SND1: variants seen among roughly 807,000 people sequenced by gnomAD.
SND1 encodes staphylococcal nuclease and tudor domain containing 1.
In SND1, 38 loss-of-function variants were observed where a neutral mutation model predicts 121.7. That is an observed-to-expected ratio of 0.31 (90% CI 0.24 to 0.41). The LOEUF is 0.41. Among genes scored for constraint, SND1 ranks in the 10% least tolerant of loss-of-function variants. SND1 has a pLI of 1.00. For missense variants in SND1, 868 were observed against 1,184.6 expected (o/e 0.73, Z 3.92); for synonymous variants, 401 against 447.4 (o/e 0.90, Z 1.31).
chr7:127,739,754 A>G (rs1796843210), intron 10 of SND1, among the ~76,000 whole-genome samples: 1 of 152,154 alleles, frequency 6.6e-6, no homozygotes, highest in South Asian at 2.1e-4. Flanking sequence ...CTGGAAGCCT[A>G]TTTCTTGTCC....
intron 11 of SND1, among the ~76,000 whole-genome samples, chr7:127,823,983 CTT>C (rs1798598151): frequency 6.6e-6 from 1 of 152,154 alleles, no homozygotes; most frequent in Non-Finnish European, 1.5e-5. Flanking sequence ...ATAGTCAACA[CTT>C]AAGCAATGAA....
chr7:127,988,508 T>C (rs1029737187), intron 15 of SND1, among the ~76,000 whole-genome samples: 5 of 151,994 alleles, frequency 3.3e-5, no homozygotes, highest in Non-Finnish European at 2.9e-5. Flanking sequence ...TCATGAAAAA[T>C]GTTTTGAATA....
chr7:127,698,390 A>G (rs1307474646), intron 3 of SND1, among the ~76,000 whole-genome samples: 1 of 152,172 alleles, frequency 6.6e-6, no homozygotes, highest in Admixed American at 6.5e-5. Flanking sequence ...TTGGTGATTT[A>G]CACACATTAC....
At chr7:127,711,339 C>T (rs574591175) in intron 9 of SND1, among the ~76,000 whole-genome samples, 4 of 152,296 alleles carry the variant, frequency 2.6e-5, no homozygotes, top group African/African-American at 9.6e-5. Flanking sequence ...TGTCCATTCT[C>T]TACATACACT....
At chr7:127,983,147 A>G (rs1802305242) in intron 15 of SND1, among the ~76,000 whole-genome samples, 1 of 152,162 alleles carries the variant, frequency 6.6e-6, no homozygotes, top group South Asian at 2.1e-4. Context: ...GGGGCTTTTT[A>G]CAATTTTGTT....
At chr7:128,078,874 C>G (rs1196440700) in intron 17 of SND1, among the ~76,000 whole-genome samples, 1 of 152,226 alleles carries the variant, frequency 6.6e-6, no homozygotes, top group Non-Finnish European at 1.5e-5. Context: ...TCTCTGTTAA[C>G]AAGCTCAGTG....
chr7:127,983,128 A>G (rs773603517), intron 15 of SND1, among the ~76,000 whole-genome samples: 2 of 152,186 alleles, frequency 1.3e-5, no homozygotes, highest in Non-Finnish European at 2.9e-5. Context: ...CTTACAGTCT[A>G]TGTGTAGTGG....
At position 127,745,574 on chromosome 7, in the gene SND1, C is replaced by A. The variant is rs536435351; in HGVS notation, c.1152+24174C>A. On this transcript the variant is annotated intron_variant, in intron 10 of 23. Transcript: ENST00000354725. ...TCCCTGATTAAAATGCCTACCATAG[C>A]ATGCCATCAGTGACTAATGATGATA... 2.9e-4 allele frequency among the ~76,000 whole-genome samples: 44 copies of A among 152,262 alleles called. No homozygotes were observed. The East Asian group carries it at 4.2e-3, about 15-fold the overall frequency.
intron 16 of SND1, among the ~76,000 whole-genome samples, chr7:128,034,253 A>C (rs946048264): frequency 1.1e-4 from 16 of 152,326 alleles, no homozygotes; most frequent in Middle Eastern, 3.4e-3. Flanking sequence ...GAGAAGTAAG[A>C]TGAAGGGTAG....
At chr7:128,033,490 G>A (rs929682276) in intron 16 of SND1, among the ~76,000 whole-genome samples, 1 of 152,174 alleles carries the variant, frequency 6.6e-6, no homozygotes, top group Non-Finnish European at 1.5e-5. Context: ...GCTTAAGAAC[G>A]AGGAGGTCCC....
Position 128,085,343 on chromosome 7 carries a change from T to TGGATATGTTCCCTGCTGCGGCCTC in SND1, c.2235-367_2235-344dup, listed in dbSNP as rs1283183546. ...GCCTTCCCAGGGTGACGAAGTGACT[T>TGGATATGTTCCCTGCTGCGGCCTC]GGATATGTTCCCTGCTGCGGCCTCC... On this transcript the variant is annotated intron_variant, in intron 19 of 23. Coordinates refer to ENST00000354725, the MANE Select transcript of SND1 (RefSeq NM_014390.4). This position sits in a 1 kb window ranked among gnomAD's most constrained non-coding sequence, Gnocchi z 4.4. Among the ~76,000 whole-genome samples, 77 of 152,300 alleles carry TGGATATGTTCCCTGCTGCGGCCTC rather than the reference T, an allele frequency of 5.1e-4. No homozygotes were observed.
chr7:127,700,446 G>A (rs1008745837), intron 4 of SND1, among the ~76,000 whole-genome samples: 3 of 152,174 alleles, frequency 2.0e-5, no homozygotes, highest in African/African-American at 7.2e-5. Context: ...GCATACAGCC[G>A]TTGATGGCAC....
intron 10 of SND1, among the ~76,000 whole-genome samples, chr7:127,789,136 T>TACCCCTCC (rs1291775213): frequency 6.6e-6 from 1 of 152,218 alleles, no homozygotes; most frequent in Non-Finnish European, 1.5e-5. Context: ...GCCTACTATC[T>TACCCCTCC]ACCCCTCCAC....
intron 12 of SND1, among the ~76,000 whole-genome samples, chr7:127,848,715 G>T (rs946210694): frequency 6.6e-6 from 1 of 152,192 alleles, no homozygotes; most frequent in Non-Finnish European, 1.5e-5. Flanking sequence ...AGTGATTTTA[G>T]GGGACTGAGA....
At chr7:127,783,076 T>G (rs1038074766) in intron 10 of SND1, among the ~76,000 whole-genome samples, 2 of 152,224 alleles carry the variant, frequency 1.3e-5, no homozygotes, top group African/African-American at 4.8e-5. Flanking sequence ...ATATCAATTC[T>G]GGATATATTT....
At chr7:128,051,391 A>C (rs1793043556) in intron 16 of SND1, among the ~76,000 whole-genome samples, 1 of 152,222 alleles carries the variant, frequency 6.6e-6, no homozygotes, top group African/African-American at 2.4e-5. Flanking sequence ...CCCATGTTTA[A>C]GTTCAAAAAT....
At chr7:127,781,888 A>G (rs1797730231) in intron 10 of SND1, among the ~76,000 whole-genome samples, 1 of 152,208 alleles carries the variant, frequency 6.6e-6, no homozygotes, top group African/African-American at 2.4e-5. Context: ...CATAGAGGGG[A>G]AGCCCAAGAT....
intron 14 of SND1, among the ~76,000 whole-genome samples, chr7:127,922,549 A>T (rs1417882309): frequency 6.6e-6 from 1 of 152,058 alleles, no homozygotes; most frequent in East Asian, 1.9e-4. Context: ...GTGTTTGTAG[A>T]TGTCTGACTT....
At chr7:127,915,996 ATGTGTG>A (rs57570326) in intron 14 of SND1, among the ~76,000 whole-genome samples, 15,007 of 149,042 alleles carry the variant, frequency 0.1, 824 homozygotes, top group Middle Eastern at 0.21. Context: ...AGAACAGCAT[ATGTGTG>A]TGTGTGTGTG....
Sources: gnomAD v4.1 joint callset for allele counts (sites outside exome capture counted in the v4.1 genomes callset) on GRCh38, gnomAD v4.1.1 for gene constraint, Gnocchi (gnomAD v3.1) non-coding constraint, MANE v1.5 for transcripts, NCBI Gene and HGNC (gene_info 2026-07-23, HGNC 2026-07-21) for gene names.